The following MTHFD1 variants were observed in gnomAD, a reference collection of about 807,000 sequenced individuals.
The protein encoded by MTHFD1 is methylenetetrahydrofolate dehydrogenase, cyclohydrolase and formyltetrahydrofolate synthetase 1.
A neutral mutation model predicts 110.3 loss-of-function variants in MTHFD1; 44 were observed. That is an observed-to-expected ratio of 0.40 (90% CI 0.31 to 0.51). The LOEUF (loss-of-function observed/expected upper bound fraction) is 0.51. MTHFD1 is among the 20% of genes least tolerant of loss of function. The probability of loss-of-function intolerance (pLI) is 0.60; values close to 1 mark genes in which losing one functional copy is unlikely to be tolerated. For synonymous variants in MTHFD1, 402 were observed against 428.8 expected, an observed-to-expected ratio of 0.94 and a Z score of 0.77; for missense variants, 909 against 1,173.1, an observed-to-expected ratio of 0.77 and a Z score of 3.29.
At chr14:64,455,220 C>T (rs2078450074) in intron 26 of MTHFD1, 1 of 335,504 alleles carries the variant, frequency 3.0e-6, no homozygotes, top group Non-Finnish European at 5.7e-6. Context: ...TATTGGGAGC[C>T]TTACATAGAT....
chr14:64,440,298 A>T (rs778555193), intron 18 of MTHFD1, 32 bp downstream of exon 18: 39 of 1,613,980 alleles, frequency 2.4e-5, no homozygotes, highest in Non-Finnish European at 3.1e-5. Flanking sequence ...GCTTGGCGAC[A>T]TATCTGTGTC....
At chr14:64,418,808 G>A (rs186933034) in intron 7 of MTHFD1, among the ~76,000 whole-genome samples, 2 of 152,040 alleles carry the variant, frequency 1.3e-5, no homozygotes, top group Non-Finnish European at 2.9e-5. Flanking sequence ...CACCTGCCTT[G>A]GCCTCCCAAA....
chr14:64,429,336 T>C (rs2078141703), intron 12 of MTHFD1, among the ~76,000 whole-genome samples: 1 of 147,200 alleles, frequency 6.8e-6, no homozygotes, highest in Admixed American at 6.8e-5. Context: ...GTTTGTTTTT[T>C]TTGAGACAGA....
chr14:64,445,673 C>T (rs1039067362), intron 22 of MTHFD1, among the ~76,000 whole-genome samples: 1 of 152,102 alleles, frequency 6.6e-6, no homozygotes, highest in Non-Finnish European at 1.5e-5. Flanking sequence ...TTATGGTTTG[C>T]CTTTTATGGT....
At chr14:64,424,275 T>C in intron 8 of MTHFD1, 1 of 176,296 alleles carries the variant, frequency 5.7e-6, no homozygotes, top group Non-Finnish European at 1.2e-5. Context: ...TTGTGTCCTT[T>C]TAAGGGAAGT....
chr14:64,411,834 G>C (rs897400701), intron 3 of MTHFD1, among the ~76,000 whole-genome samples: 3 of 152,116 alleles, frequency 2.0e-5, no homozygotes, highest in Admixed American at 1.3e-4. Flanking sequence ...CTGGGAGGCG[G>C]AGGTTGTGGT....
Position 64,443,817 on chromosome 14 carries a change from T to C in MTHFD1, c.2137-876T>C, listed in dbSNP as rs1458794218. The stretch of plus-strand genomic sequence containing the variant: ...ACCTCACAGTCAGGATAATGTCCCA[T>C]AATGCTGTGCATGGAGGGGAACATT... On this transcript the variant is annotated intron_variant, in intron 21 of 27. Transcript: ENST00000652337. Among the ~76,000 whole-genome samples the C allele has an allele frequency of 2.6e-5, 4 of 152,198 alleles. No homozygotes were observed. In the East Asian group the frequency reaches 7.7e-4, roughly 29 times the overall value.
chr14:64,446,228 A>T (rs961681247), intron 22 of MTHFD1, among the ~76,000 whole-genome samples: 1 of 152,168 alleles, frequency 6.6e-6, no homozygotes, highest in East Asian at 1.9e-4. Context: ...ACATTTAAAA[A>T]TTTTTCATGA....
Position 64,425,847 on chromosome 14 carries a change from G to C in MTHFD1, c.953+20G>C. ...TCCAAGGTAAAAATAAAGTTTTACT[G>C]ATTTAAAACTTTGTGAATTGTTGGT... On this transcript the variant is annotated intron_variant, in intron 10 of 27. Transcript: ENST00000652337. 1 of 1,603,270 alleles carries C rather than the reference G, an allele frequency of 6.2e-7. No individual in the cohort carries two copies. The highest frequency in any genetic ancestry group is 1.7e-5 in the Admixed American group (1 of 59,988).
chr14:64,397,972 A>G (rs2077870474), intron 1 of MTHFD1, among the ~76,000 whole-genome samples: 1 of 152,174 alleles, frequency 6.6e-6, no homozygotes, highest in African/African-American at 2.4e-5. Flanking sequence ...GGCAGGAATG[A>G]TTATATAAGA....
intron 16 of MTHFD1, among the ~76,000 whole-genome samples, chr14:64,438,002 A>T (rs2078219655): frequency 6.6e-6 from 1 of 151,908 alleles, no homozygotes; most frequent in Non-Finnish European, 1.5e-5. Context: ...GCCTCCTGAG[A>T]AGCTGGGATT....
chr14:64,447,356 A>T (rs919144316), intron 22 of MTHFD1, among the ~76,000 whole-genome samples: 1 of 150,556 alleles, frequency 6.6e-6, no homozygotes, highest in South Asian at 2.1e-4. Context: ...GGGTTTCACC[A>T]TGTTGGCCAG....
intron 1 of MTHFD1, among the ~76,000 whole-genome samples, chr14:64,395,939 G>A (rs1020447311): frequency 2.0e-5 from 3 of 152,104 alleles, no homozygotes; most frequent in African/African-American, 7.2e-5. Context: ...ACACTATTCT[G>A]ACTTATTTTC....
chr14:64,404,301 C>G (rs1596533906), intron 2 of MTHFD1, among the ~76,000 whole-genome samples: 1 of 152,166 alleles, frequency 6.6e-6, no homozygotes, highest in Non-Finnish European at 1.5e-5. Flanking sequence ...GCTCATCACC[C>G]TAATACCTAA....
intron 9 of MTHFD1, 69 bp downstream of exon 9, chr14:64,425,000 A>G: frequency 6.3e-7 from 1 of 1,588,566 alleles, no homozygotes; most frequent in Non-Finnish European, 8.6e-7. Flanking sequence ...TTTTCTCCCC[A>G]AGTAGAAATG....
chr14:64,451,188 T>G (rs978214901), intron 24 of MTHFD1, among the ~76,000 whole-genome samples: 1 of 152,056 alleles, frequency 6.6e-6, no homozygotes, highest in African/African-American at 2.4e-5. Context: ...TGTTTTATTT[T>G]ATTTTATTTT....
chr14:64,424,606 T>C (rs1238757227), intron 8 of MTHFD1, among the ~76,000 whole-genome samples, 198 bp from the exon 9 acceptor site: 1 of 152,204 alleles, frequency 6.6e-6, no homozygotes, highest in Non-Finnish European at 1.5e-5. Context: ...CACTTATGCA[T>C]CTTGTGAATT....
At chr14:64,432,745 G>A (rs1194969267) in intron 15 of MTHFD1, among the ~76,000 whole-genome samples, 1 of 152,068 alleles carries the variant, frequency 6.6e-6, no homozygotes, top group Non-Finnish European at 1.5e-5. Flanking sequence ...AAGGAGAGGT[G>A]TTTTGTTTTG....
At chr14:64,441,015 C>T (rs1030055487) in intron 18 of MTHFD1, 4 of 339,726 alleles carry the variant, frequency 1.2e-5, no homozygotes, top group African/African-American at 8.6e-5. Flanking sequence ...CACAATGAAA[C>T]CCTGTCTCTA....
Sources: allele counts gnomAD v4.1 joint callset (sites outside exome capture counted in the v4.1 genomes callset), GRCh38; gene constraint gnomAD v4.1.1; transcripts MANE v1.5; gene names NCBI Gene and HGNC (gene_info 2026-07-23, HGNC 2026-07-21).